Variants in PCDHGB2 observed in about 807,000 individuals in gnomAD.
PCDHGB2 encodes the protein protocadherin gamma-B2.
A neutral mutation model predicts 59.3 loss-of-function variants in PCDHGB2; 55 were observed. That is an observed-to-expected ratio of 0.93 (90% CI 0.75 to 1.16). PCDHGB2 has a LOEUF of 1.16. Ranked by LOEUF, PCDHGB2 falls within the 50% of genes most tolerant of loss-of-function variation. The pLI, the probability that PCDHGB2 is intolerant of heterozygous loss-of-function variation, is 0.00. For missense variants in PCDHGB2, 1,228 were observed against 1,198.5 expected, an observed-to-expected ratio of 1.02 and a Z score of -0.36; for synonymous variants, 516 against 512.0, an observed-to-expected ratio of 1.01 and a Z score of -0.11.
chr5:141,399,755 G>A (rs1420211451), intron 1 of PCDHGB2: 1 of 1,613,232 alleles, frequency 6.2e-7, no homozygotes, highest in African/African-American at 1.3e-5. Context: ...GCAAACGTGA[G>A]CCTGCGCGTG....
At chr5:141,424,526 T>C (rs1020206614) in intron 1 of PCDHGB2, 2 of 152,216 alleles carry the variant, frequency 1.3e-5, no homozygotes, top group Non-Finnish European at 2.9e-5. Context: ...AGTAAATCCA[T>C]ATATAGAAAT....
At chr5:141,415,688 T>C (rs373105795) in intron 1 of PCDHGB2, 1 of 1,546,006 alleles carries the variant, frequency 6.5e-7, no homozygotes, top group Admixed American at 2.0e-5. Context: ...GGCATGATGG[T>C]GGAAAGTGTA....
chr5:141,375,417 C>G lies in PCDHGB2; in HGVS notation c.2421+12861C>G. ...ATCATCTCTCTAAATGTGGCAGACA[C>G]CAACGACAACCCGCCCACCTTCCCC... On this transcript the variant is annotated intron_variant, in intron 1 of 3. Coordinates refer to ENST00000522605, the MANE Select transcript of PCDHGB2 (RefSeq NM_018923.3). The G allele has an allele frequency of 1.9e-6, 3 of 1,613,976 alleles. No homozygotes were observed. The South Asian group carries it at 3.3e-5, about 18-fold the overall frequency.
At chr5:141,371,681 T>A (rs529874051) in intron 1 of PCDHGB2, 27 of 1,613,832 alleles carry the variant, frequency 1.7e-5, no homozygotes, top group Non-Finnish European at 2.0e-5. Flanking sequence ...ACAAAGGCAA[T>A]CCACCGCTCT....
At chr5:141,418,057 G>A (rs2096216088) in intron 1 of PCDHGB2, 2 of 1,614,050 alleles carry the variant, frequency 1.2e-6, no homozygotes, top group East Asian at 4.5e-5. Context: ...CTCGCGAGCT[G>A]CGAGTGAGCG....
chr5:141,480,453 A>G (rs1033797238), intron 1 of PCDHGB2, among the ~76,000 whole-genome samples: 1 of 152,182 alleles, frequency 6.6e-6, no homozygotes, highest in African/African-American at 2.4e-5. Context: ...AATTATTTTT[A>G]TTAGTTCCTC....
intron 1 of PCDHGB2, among the ~76,000 whole-genome samples, chr5:141,433,513 C>T (rs2097615953): frequency 6.6e-6 from 1 of 152,066 alleles, no homozygotes; most frequent in Non-Finnish European, 1.5e-5. Flanking sequence ...GGATTACAGG[C>T]GTGAACCACA....
Position 141,476,657 on chromosome 5 carries a change from G to A in PCDHGB2, c.2422-18150G>A, listed in dbSNP as rs759887729. On this transcript the variant is annotated intron_variant, in intron 1 of 3. Coordinates refer to ENST00000522605, the MANE Select transcript of PCDHGB2 (RefSeq NM_018923.3). This position sits in a 1 kb window ranked among gnomAD's most constrained non-coding sequence, Gnocchi z 7.6. ...TGAGCTGAGCCGAAATGAATACTTTGCGCTTCGCGTGCAGACGCGGGAGGA... is the reference window on the plus strand; with the variant it reads ...TGAGCTGAGCCGAAATGAATACTTTACGCTTCGCGTGCAGACGCGGGAGGA... 1.9e-6 allele frequency: 3 copies of A among 1,614,140 alleles called. No homozygotes were observed. Among genetic ancestry groups the A allele is most frequent in the Non-Finnish European group, 2.5e-6 (3 of 1,180,060 alleles).
chr5:141,455,690 C>A (rs1209152869), intron 1 of PCDHGB2, among the ~76,000 whole-genome samples: 1 of 152,064 alleles, frequency 6.6e-6, no homozygotes, highest in East Asian at 1.9e-4. Context: ...CTGTGGGAAT[C>A]GCCAAGTTGA....
chr5:141,492,072 C>G (rs2099736816), intron 1 of PCDHGB2: 2 of 480,040 alleles, frequency 4.2e-6, no homozygotes, highest in East Asian at 3.3e-5. Context: ...TCCTAGGCGC[C>G]GGCTCCGGCA....
rs764313049 is a variant in PCDHGB2, at chr5:141,418,041, T to G, written c.2421+55485T>G. 36 of 1,613,976 alleles carry G rather than the reference T, an allele frequency of 2.2e-5. No homozygotes were observed. In the Admixed American group the frequency reaches 2.3e-4, roughly 10 times the overall value. On this transcript the variant is annotated intron_variant, in intron 1 of 3. Coordinates refer to ENST00000522605, the MANE Select transcript of PCDHGB2 (RefSeq NM_018923.3). Reference sequence around the variant, plus strand: ...GATCTAGGGCTTAGTGTCCTGGATGTGTCGGCTCGCGAGCTGCGAGTGAGC... The same window carrying G: ...GATCTAGGGCTTAGTGTCCTGGATGGGTCGGCTCGCGAGCTGCGAGTGAGC...
intron 1 of PCDHGB2, chr5:141,410,578 T>A (rs1432039651): frequency 6.2e-7 from 1 of 1,610,984 alleles, no homozygotes; most frequent in African/African-American, 1.3e-5. Context: ...TTCCACCTCA[T>A]GGTGGGGAGG....
intron 1 of PCDHGB2, among the ~76,000 whole-genome samples, chr5:141,470,729 G>T (rs1253040487): frequency 6.6e-6 from 1 of 152,102 alleles, no homozygotes; most frequent in Non-Finnish European, 1.5e-5. Context: ...TCAGGGTCTT[G>T]CTCTGTCGCC....
rs919763957 is a variant in PCDHGB2, at chr5:141,361,614, G to A, written c.1479G>A (p.Ala493=). 39 of 1,613,828 alleles carry A rather than the reference G, an allele frequency of 2.4e-5. No homozygotes were observed. The highest frequency in any genetic ancestry group is 3.0e-5 in the Non-Finnish European group (35 of 1,179,906). The change falls in exon 1 of 4, where the codon GCG becomes GCA. Residue 493 remains alanine (A), a synonymous_variant. Transcript: ENST00000522605. ...PSGQVSYSIV[A]SDLKPREILS... is the part of the protein sequence containing the mutation. Reference sequence around the variant, plus strand: ...GCCAAGTTTCCTACTCCATCGTAGCGAGCGACCTGAAGCCGCGGGAGATTT... The same window carrying A: ...GCCAAGTTTCCTACTCCATCGTAGCAAGCGACCTGAAGCCGCGGGAGATTT...
chr5:141,430,615 A>G, intron 1 of PCDHGB2: 1 of 686,990 alleles, frequency 1.5e-6, no homozygotes, highest in Non-Finnish European at 2.2e-6. Context: ...CAAAGCAGAT[A>G]GCTAGGAATG....
At position 141,432,298 on chromosome 5, in the gene PCDHGB2, A is replaced by G; in HGVS notation, c.2422-62509A>G. 6.2e-7 allele frequency: 1 copy of G among 1,614,236 alleles called. No homozygotes were observed. The highest frequency in any genetic ancestry group is 8.5e-7 in the Non-Finnish European group (1 of 1,180,036). The stretch of plus-strand genomic sequence containing the variant: ...TGTCCATCAACTCCGACACTGGGGT[A>G]CTGTATGCGCTGAGCTCCTTCGACT... On this transcript the variant is annotated intron_variant, in intron 1 of 3. Transcript: ENST00000522605. This position sits in a 1 kb window ranked among gnomAD's most constrained non-coding sequence, Gnocchi z 6.0.
In PCDHGB2 at chr5:141,399,542, C is replaced by T. The variant is rs761214012; in HGVS notation, c.2421+36986C>T. The T allele has an allele frequency of 5.6e-6, 9 of 1,614,046 alleles. No homozygotes were observed. The South Asian group carries it at 8.8e-5, about 16-fold the overall frequency. On this transcript the variant is annotated intron_variant, in intron 1 of 3. Transcript: ENST00000522605. ...GGGGCCTCCATCGCGCAAGTCTGCGCCTCGGACCTGGACTTGGGGTTGAAC... is the reference window on the plus strand; with the variant it reads ...GGGGCCTCCATCGCGCAAGTCTGCGTCTCGGACCTGGACTTGGGGTTGAAC...
At chr5:141,424,959 C>A (rs1561817087) in intron 1 of PCDHGB2, among the ~76,000 whole-genome samples, 4 of 152,152 alleles carry the variant, frequency 2.6e-5, no homozygotes, top group Non-Finnish European at 5.9e-5. Flanking sequence ...TAGGTATTTG[C>A]CCCAAATTAC....
intron 1 of PCDHGB2, chr5:141,421,518 TGA>T: frequency 6.2e-7 from 1 of 1,614,058 alleles, no homozygotes; most frequent in Non-Finnish European, 8.5e-7. Flanking sequence ...AGGAGCTCTG[TGA>T]GACGGTGTCC....
Sources: gnomAD v4.1 joint callset for allele counts (sites outside exome capture counted in the v4.1 genomes callset) on GRCh38, gnomAD v4.1.1 for gene constraint, Gnocchi (gnomAD v3.1) non-coding constraint, MANE v1.5 for transcripts, NCBI Gene and HGNC (gene_info 2026-07-23, HGNC 2026-07-21) for gene names.